The following RMDN1 variants were observed in gnomAD, a reference collection of about 807,000 sequenced individuals.
RMDN1 encodes the protein regulator of microtubule dynamics protein 1.
RMDN1 carries 48 observed loss-of-function variants against 48.9 expected under a neutral mutation model. The observed-to-expected ratio is 0.98, with a 90% CI of 0.78 to 1.25. The LOEUF (loss-of-function observed/expected upper bound fraction) is 1.25. Among genes scored for constraint, RMDN1 ranks in the 50% most tolerant of loss-of-function variants. RMDN1 has a pLI of 0.00. For missense variants in RMDN1, 418 were observed against 373.4 expected (o/e 1.12, Z -0.98); for synonymous variants, 148 against 132.6 (o/e 1.12, Z -0.80).
At chr8:86,470,209 C>T (rs1215992126), downstream of RMDN1, 1 of 1,289,156 alleles carries the variant, frequency 7.8e-7, no homozygotes, top group Non-Finnish European at 1.0e-6. Flanking sequence ...CAGAGTACTA[C>T]CAACTTACTT....
At chr8:86,480,157 GCT>G (rs1350603311) in intron 6 of RMDN1, 118 bp downstream of exon 6, 4 of 523,226 alleles carry the variant, frequency 7.6e-6, no homozygotes, top group East Asian at 3.3e-5. Context: ...AGCACTCTAA[GCT>G]CTGTCAGATA....
At chr8:86,489,331 AAAC>A (rs1361995002) in intron 2 of RMDN1, among the ~76,000 whole-genome samples, 1 of 152,222 alleles carries the variant, frequency 6.6e-6, no homozygotes, top group Non-Finnish European at 1.5e-5. Flanking sequence ...CAAAATACAT[AAAC>A]ATTATTGACA....
At position 86,488,961 on chromosome 8, in the gene RMDN1, C is replaced by G. The variant is rs191092962; in HGVS notation, c.248-322G>C. Among the ~76,000 whole-genome samples the G allele has an allele frequency of 3.4e-3, 517 of 152,128 alleles. 3 individuals are homozygous for G. The highest frequency in any genetic ancestry group is 0.022 in the South Asian group (105 of 4,824). The stretch of plus-strand genomic sequence containing the variant: ...TGATGAGCTAAAAAAATTCCAAAAA[C>G]TCTCATAATATTTTAAGAAAGTTTA... On this transcript the variant is annotated intron_variant, in intron 2 of 9. Coordinates refer to ENST00000406452, the MANE Select transcript of RMDN1 (RefSeq NM_016033.3).
chr8:86,476,292 CA>C (rs1417361103), intron 8 of RMDN1, among the ~76,000 whole-genome samples: 1 of 152,108 alleles, frequency 6.6e-6, no homozygotes, highest in African/African-American at 2.4e-5. Flanking sequence ...GAGAGGGTAT[CA>C]GTGAAGGTAA....
chr8:86,482,742 G>T, intron 5 of RMDN1: 1 of 999,882 alleles, frequency 1.0e-6, no homozygotes, highest in Non-Finnish European at 1.6e-6. Flanking sequence ...TCAAGCAGGT[G>T]GCGCCATAAC....
At chr8:86,503,396 AAAATAAC>A (rs1818731507) in intron 2 of RMDN1, among the ~76,000 whole-genome samples, 2 of 139,078 alleles carry the variant, frequency 1.4e-5, no homozygotes, top group African/African-American at 2.7e-5. Context: ...AAAACAAAAA[AAAATAAC>A]AAAAATAACT....
chr8:86,498,023 G>A (rs959202561), intron 2 of RMDN1, among the ~76,000 whole-genome samples: 1 of 152,202 alleles, frequency 6.6e-6, no homozygotes, highest in Non-Finnish European at 1.5e-5. Flanking sequence ...TTGAACCCGG[G>A]AGGTGGAGGC....
chr8:86,472,444 C>G lies in RMDN1; in HGVS notation c.*1864G>C, dbSNP rs942999908. ...AATGCCACATCCCTAGAAAGACCCA[C>G]TTCCTGGCCCTTCAGCTGCTTCTGT... On this transcript the variant is annotated 3_prime_UTR_variant, in exon 10 of 10. Coordinates refer to ENST00000406452, the MANE Select transcript of RMDN1 (RefSeq NM_016033.3). The G allele has an allele frequency of 2.8e-6, 2 of 702,580 alleles. No individual in the cohort carries two copies. The highest frequency in any genetic ancestry group is 5.2e-6 in the Non-Finnish European group (2 of 384,986). 43.5% of individuals were successfully genotyped at this position (702,580 alleles called of 1,614,324 possible). A position where few individuals can be genotyped will look rare whatever the true frequency, so the allele number is the denominator to read the frequency against.
intron 5 of RMDN1, among the ~76,000 whole-genome samples, chr8:86,481,154 G>A (rs1291951862): frequency 6.6e-6 from 1 of 152,030 alleles, no homozygotes; most frequent in Admixed American, 6.6e-5. Context: ...AATGTGTGAG[G>A]TACACATTTT....
intron 1 of RMDN1, 76 bp downstream of exon 1, chr8:86,508,416 C>A (rs1586805853): frequency 2.8e-6 from 4 of 1,445,872 alleles, no homozygotes; most frequent in Non-Finnish European, 3.7e-6. Context: ...CGCGGGGCCG[C>A]CACCACTTAA....
At chr8:86,504,541 G>A (rs767916765) in intron 2 of RMDN1, 124 of 1,373,242 alleles carry the variant, frequency 9.0e-5, no homozygotes, top group Admixed American at 5.7e-4. Flanking sequence ...TATCTTCACT[G>A]TAGTTTCCCT....
Position 86,472,763 on chromosome 8 carries a change from T to C in RMDN1, c.*1545A>G. 3.0e-6 allele frequency: 1 copy of C among 333,214 alleles called. No homozygotes were observed. The highest frequency in any genetic ancestry group is 5.4e-6 in the Non-Finnish European group (1 of 185,190). 20.6% of individuals were successfully genotyped at this position (333,214 alleles called of 1,614,324 possible). A position where few individuals can be genotyped will look rare whatever the true frequency, so the allele number is the denominator to read the frequency against. ...AGAAAATAACTGCTTATTGGTAGCA[T>C]ATACATTCAGTCAGGAATGATGGTG... On this transcript the variant is annotated 3_prime_UTR_variant, in exon 10 of 10. Transcript: ENST00000406452.
At position 86,508,663 on chromosome 8, in the gene RMDN1, T is replaced by C. The variant is rs1337010695; in HGVS notation, c.-43A>G. The C allele has an allele frequency of 3.9e-6, 6 of 1,555,234 alleles. No homozygotes were observed. The South Asian group carries it at 6.9e-5, about 18-fold the overall frequency. On this transcript the variant is annotated 5_prime_UTR_variant, in exon 1 of 10. Transcript: ENST00000406452. ...CTGACCCTGCACTACTTCAGGCAGC[T>C]ACGGAGGCGGGCGGGGCTAAAGGAG... is the stretch of plus-strand genomic sequence containing the variant.
chr8:86,482,128 A>G (rs888938814), intron 5 of RMDN1: 1 of 541,486 alleles, frequency 1.8e-6, no homozygotes, highest in South Asian at 2.3e-5. Context: ...TAGGCCAGGC[A>G]CGGTGGCTTA....
At chr8:86,485,087 T>G in intron 4 of RMDN1, 126 bp from the exon 5 acceptor site, 1 of 552,870 alleles carries the variant, frequency 1.8e-6, no homozygotes, top group South Asian at 2.8e-5. Context: ...ATAAAAACTG[T>G]ATTAAATGTA....
At chr8:86,510,848 C>T (rs187620944), upstream of RMDN1, among the ~76,000 whole-genome samples, 4 of 152,234 alleles carry the variant, frequency 2.6e-5, no homozygotes, top group Admixed American at 2.0e-4. Context: ...ATAGGCTGGG[C>T]GTAGTGGCTC....
chr8:86,504,149 G>A, intron 2 of RMDN1: 1 of 1,347,116 alleles, frequency 7.4e-7, no homozygotes, highest in Non-Finnish European at 1.1e-6. Context: ...GTATTATTGG[G>A]CTTTACCATC....
chr8:86,472,601 C>T lies in RMDN1; in HGVS notation c.*1707G>A, dbSNP rs1812722890. The T allele has an allele frequency of 1.5e-6, 1 of 648,430 alleles. No individual in the cohort carries two copies. Among genetic ancestry groups the T allele is most frequent in the Non-Finnish European group, 2.8e-6 (1 of 362,926 alleles). The allele number at this position is 648,430 out of a possible 1,614,324, so 40.2% of individuals were successfully genotyped here. A position where few individuals can be genotyped will look rare whatever the true frequency, so the allele number is the denominator to read the frequency against. On this transcript the variant is annotated 3_prime_UTR_variant, in exon 10 of 10. Transcript: ENST00000406452. ...CTGATACAGGTTTCTGGTGATGCTA[C>T]TGTTGCCTAGCTACCCTGACCACAT...
rs747895712 is a variant in RMDN1, at chr8:86,486,559, C to T, written c.420G>A (p.Lys140=). 1.9e-6 allele frequency: 3 copies of T among 1,612,526 alleles called. No individual in the cohort carries two copies. The African/African-American group carries it at 4.0e-5, about 22-fold the overall frequency. ...ACTCTAGGGCTTCATACACCAATAG[C>T]TTTTTCTCCTCTTCTGAGGTTCTGC... ...QLSRTSEEEK[K]LLVYEALEYA... The change falls in exon 4 of 10, where the codon AAG becomes AAA. Residue 140 remains lysine, a synonymous_variant. Transcript: ENST00000406452.
Sources: gnomAD v4.1 joint callset for allele counts (sites outside exome capture counted in the v4.1 genomes callset) on GRCh38, gnomAD v4.1.1 for gene constraint, MANE v1.5 for transcripts, NCBI Gene and HGNC (gene_info 2026-07-23, HGNC 2026-07-21) for gene names.